PCDHGA8: variants seen among roughly 807,000 people sequenced by gnomAD.
PCDHGA8 encodes the protein protocadherin gamma-A8.
PCDHGA8 carries 45 observed loss-of-function variants against 59.2 expected under a neutral mutation model. That is an observed-to-expected ratio of 0.76 (90% CI 0.60 to 0.98). PCDHGA8 has a LOEUF of 0.98. PCDHGA8 is among the 50% of genes least tolerant of loss of function. PCDHGA8 has a pLI of 0.00. For synonymous variants in PCDHGA8, 531 were observed against 519.0 expected, an observed-to-expected ratio of 1.02 and a Z score of -0.32; for missense variants, 1,257 against 1,196.2, an observed-to-expected ratio of 1.05 and a Z score of -0.75.
Position 141,485,072 on chromosome 5 carries a change from G to C in PCDHGA8, c.2425-9735G>C. 1.1e-6 allele frequency: 1 copy of C among 917,012 alleles called. No individual in the cohort carries two copies. The highest frequency in any genetic ancestry group is 1.7e-6 in the Non-Finnish European group (1 of 587,880). 56.8% of individuals were successfully genotyped at this position (917,012 alleles called of 1,614,324 possible). On this transcript the variant is annotated intron_variant, in intron 1 of 3. Coordinates refer to ENST00000398604, the MANE Select transcript of PCDHGA8 (RefSeq NM_032088.2). The surrounding 1 kb of genome is among the most constrained non-coding windows in gnomAD (Gnocchi z 5.7). ...CCGGCCGAACCGCGCCAGAGCTGGCGCGGGGAAAGGGAGATAGGTGTCTCC... is the reference window on the plus strand; with the variant it reads ...CCGGCCGAACCGCGCCAGAGCTGGCCCGGGGAAAGGGAGATAGGTGTCTCC...
chr5:141,418,396 A>G lies in PCDHGA8; in HGVS notation c.2424+23159A>G, dbSNP rs139206858. 4.9e-3 allele frequency: 7,975 copies of G among 1,613,844 alleles called. 44 individuals are homozygous for G. The highest frequency in any genetic ancestry group is 9.4e-3 in the Admixed American group (567 of 60,030). On this transcript the variant is annotated intron_variant, in intron 1 of 3. Coordinates refer to ENST00000398604, the MANE Select transcript of PCDHGA8 (RefSeq NM_032088.2). Reference sequence around the variant, plus strand: ...AACTAAGTCCTAACGAGTATTTCTCATTGGTGGAGAAAGACAATCCTGATG... The same window carrying G: ...AACTAAGTCCTAACGAGTATTTCTCGTTGGTGGAGAAAGACAATCCTGATG...
chr5:141,433,098 T>G, intron 1 of PCDHGA8: 1 of 1,614,204 alleles, frequency 6.2e-7, no homozygotes, highest in Non-Finnish European at 8.5e-7. Context: ...GACATGCTCG[T>G]CAGCCAGGAG....
intron 3 of PCDHGA8, among the ~76,000 whole-genome samples, chr5:141,507,760 T>G (rs2099863136): frequency 6.6e-6 from 1 of 152,202 alleles, no homozygotes; most frequent in Non-Finnish European, 1.5e-5. Context: ...GCCTCCCACC[T>G]TTGGCCCACA....
chr5:141,410,849 C>CTTTTTTTTTTT lies in PCDHGA8; in HGVS notation c.2424+15624_2424+15634dup, dbSNP rs759346998. On this transcript the variant is annotated intron_variant, in intron 1 of 3. Coordinates refer to ENST00000398604, the MANE Select transcript of PCDHGA8 (RefSeq NM_032088.2). ...CAGACTGAAGATATTTTGTCTTTGT[C>CTTTTTTTTTTT]TTTTTTTTTTTTTTTTTTTTTTGAG... 217 of 138,154 alleles carry CTTTTTTTTTTT rather than the reference C, an allele frequency of 1.6e-3. 10 individuals carry two copies. The highest frequency in any genetic ancestry group is 4.0e-3 in the African/African-American group (66 of 16,622). The allele number at this position is 138,154 out of a possible 1,614,324, so 8.6% of individuals were successfully genotyped here.
intron 2 of PCDHGA8, among the ~76,000 whole-genome samples, chr5:141,499,298 C>A (rs1239333151): frequency 6.6e-6 from 1 of 152,210 alleles, no homozygotes; most frequent in African/African-American, 2.4e-5. Context: ...ACACTACCAT[C>A]CCTCCTCTGA....
intron 1 of PCDHGA8, chr5:141,419,231 C>G (rs1309708358): frequency 2.5e-6 from 4 of 1,614,026 alleles, no homozygotes; most frequent in Admixed American, 1.7e-5. Context: ...GTCAGCCTAC[C>G]TGGTCCACGT....
intron 1 of PCDHGA8, chr5:141,419,798 A>G: frequency 6.2e-7 from 1 of 1,614,050 alleles, no homozygotes; most frequent in Admixed American, 1.7e-5. Flanking sequence ...AGTCGCTGTA[A>G]GAGATGGAGG....
intron 1 of PCDHGA8, among the ~76,000 whole-genome samples, chr5:141,470,483 G>T (rs1163257164): frequency 6.6e-6 from 1 of 152,112 alleles, no homozygotes; most frequent in African/African-American, 2.4e-5. Context: ...CTAACCCTCT[G>T]GGAATAATAT....
intron 1 of PCDHGA8, chr5:141,422,951 G>C (rs1382138030): frequency 3.7e-6 from 6 of 1,614,236 alleles, no homozygotes; most frequent in South Asian, 3.3e-5. Flanking sequence ...GGCTCCACTG[G>C]CGTGGAGCTG....
At position 141,473,311 on chromosome 5, in the gene PCDHGA8, A is replaced by G. The variant is rs139053997; in HGVS notation, c.2425-21496A>G. On this transcript the variant is annotated intron_variant, in intron 1 of 3. Coordinates refer to ENST00000398604, the MANE Select transcript of PCDHGA8 (RefSeq NM_032088.2). ...TCAGTAGCATAAAGATTGCTATATTAATAAGCATTAAGTGCCTGCTGTGCT... is the reference window on the plus strand; with the variant it reads ...TCAGTAGCATAAAGATTGCTATATTGATAAGCATTAAGTGCCTGCTGTGCT... Among the ~76,000 whole-genome samples, 1,321 of 152,342 alleles carry G rather than the reference A, an allele frequency of 8.7e-3. 28 individuals carry two copies. Among genetic ancestry groups the G allele is most frequent in the African/African-American group, 0.03 (1,236 of 41,582 alleles).
chr5:141,466,975 A>G (rs769024064), intron 1 of PCDHGA8, among the ~76,000 whole-genome samples: 1 of 151,842 alleles, frequency 6.6e-6, no homozygotes, highest in Non-Finnish European at 1.5e-5. Flanking sequence ...CTCACAGCTC[A>G]TCATTTACCT....
At chr5:141,494,890 C>A (rs1483157263) in intron 2 of PCDHGA8, 25 bp downstream of exon 2, 1 of 1,614,120 alleles carries the variant, frequency 6.2e-7, no homozygotes. Context: ...CTCCAGCCCA[C>A]CCTCTTCTCT....
Position 141,418,471 on chromosome 5 carries a change from G to T in PCDHGA8, c.2424+23234G>T, listed in dbSNP as rs199547102. 57 of 1,614,002 alleles carry T rather than the reference G, an allele frequency of 3.5e-5. No homozygotes were observed. In the African/African-American group the frequency reaches 5.7e-4, roughly 16 times the overall value. ...TGCAGAAGACTCTGGACCGAGAAACGCAGAGCGCTCACCACTTGGTACTGA... is the reference window on the plus strand; with the variant it reads ...TGCAGAAGACTCTGGACCGAGAAACTCAGAGCGCTCACCACTTGGTACTGA... On this transcript the variant is annotated intron_variant, in intron 1 of 3. Coordinates refer to ENST00000398604, the MANE Select transcript of PCDHGA8 (RefSeq NM_032088.2).
At position 141,421,588 on chromosome 5, in the gene PCDHGA8, G is replaced by C; in HGVS notation, c.2424+26351G>C. 3 of 1,613,910 alleles carry C rather than the reference G, an allele frequency of 1.9e-6. No homozygotes were observed. The South Asian group carries it at 3.3e-5, about 18-fold the overall frequency. ...AGACACCTTGAAGATTTACGGAGTGGAGGTGGAAATAATAGATATTAATGA... is the reference window on the plus strand; with the variant it reads ...AGACACCTTGAAGATTTACGGAGTGCAGGTGGAAATAATAGATATTAATGA... On this transcript the variant is annotated intron_variant, in intron 1 of 3. Coordinates refer to ENST00000398604, the MANE Select transcript of PCDHGA8 (RefSeq NM_032088.2).
At chr5:141,430,743 T>C in intron 1 of PCDHGA8, 1 of 1,498,372 alleles carries the variant, frequency 6.7e-7, no homozygotes, top group Non-Finnish European at 8.9e-7. Flanking sequence ...TGAAAATAAT[T>C]CTGGAGGAAG....
intron 1 of PCDHGA8, chr5:141,426,340 C>A: frequency 5.3e-6 from 1 of 190,288 alleles, no homozygotes; most frequent in Non-Finnish European, 1.1e-5. Flanking sequence ...AGCACTCTTC[C>A]CTTTCCTGCT....
intron 1 of PCDHGA8, chr5:141,409,189 C>T (rs1216028242): frequency 6.2e-7 from 1 of 1,613,918 alleles, no homozygotes; most frequent in Admixed American, 1.7e-5. Flanking sequence ...GTCTCTCTAC[C>T]CAGTGTAAAG....
chr5:141,432,600 C>T lies in PCDHGA8; in HGVS notation c.2424+37363C>T, dbSNP rs901310090. The T allele has an allele frequency of 1.9e-6, 3 of 1,613,832 alleles. No individual in the cohort carries two copies. The East Asian group carries it at 6.7e-5, about 36-fold the overall frequency. ...TACCGTCTGCTCAAGGCCAGCGAGCCGGGACTCTTCTCGGTGGGTCTGCAC... is the reference window on the plus strand; with the variant it reads ...TACCGTCTGCTCAAGGCCAGCGAGCTGGGACTCTTCTCGGTGGGTCTGCAC... On this transcript the variant is annotated intron_variant, in intron 1 of 3. Transcript: ENST00000398604. The surrounding 1 kb of genome is among the most constrained non-coding windows in gnomAD (Gnocchi z 6.0).
chr5:141,428,098 A>C (rs1387848300), intron 1 of PCDHGA8: 1 of 1,608,664 alleles, frequency 6.2e-7, no homozygotes, highest in South Asian at 1.1e-5. Context: ...CTGTCCTACC[A>C]CGTGCTGCAG....
Sources: gnomAD v4.1 joint callset for allele counts (sites outside exome capture counted in the v4.1 genomes callset) on GRCh38, gnomAD v4.1.1 for gene constraint, Gnocchi (gnomAD v3.1) non-coding constraint, MANE v1.5 for transcripts, NCBI Gene and HGNC (gene_info 2026-07-23, HGNC 2026-07-21) for gene names.